The following SEPTIN9 variants were observed in gnomAD, a reference collection of about 807,000 sequenced individuals.
SEPTIN9 encodes the protein septin 9, also known as septin-9.
In SEPTIN9, 13 loss-of-function variants were observed where a neutral mutation model predicts 56.6. The ratio of observed to expected loss-of-function variants is 0.23; its 90% CI spans 0.15 to 0.37. The LOEUF (loss-of-function observed/expected upper bound fraction) is 0.37. Among genes scored for constraint, SEPTIN9 ranks in the 10% least tolerant of loss-of-function variants. The pLI is 1.00. For missense variants in SEPTIN9, 650 were observed against 823.1 expected (o/e 0.79, Z 2.57); for synonymous variants, 332 against 334.1 (o/e 0.99, Z 0.07).
At chr17:77,386,145 T>A (rs935927615) in intron 2 of SEPTIN9, among the ~76,000 whole-genome samples, 3 of 152,314 alleles carry the variant, frequency 2.0e-5, no homozygotes, top group Non-Finnish European at 1.5e-5. Context: ...GCAGCCATGC[T>A]GGGGATAACT....
rs776918748 is a variant in SEPTIN9 at position 77,482,148 on chromosome 17, T to C, written c.726T>C (p.Thr242=). The C allele has an allele frequency of 1.3e-5, 21 of 1,570,354 alleles. No homozygotes were observed. The highest frequency in any genetic ancestry group is 1.8e-5 in the Non-Finnish European group (21 of 1,158,758). Residue 242 remains threonine (T), a synonymous_variant, in exon 4 of 12, where the codon ACT becomes ACC. Transcript: ENST00000427177. ...AEATPRSQEA[T]EAAPSCVGDM... Reference sequence around the variant, plus strand: ...CCTCTGCTGTTCCTTCCCCAGCCACTGAGGCGGCTCCCAGCTGCGTTGGCG... The same window carrying C: ...CCTCTGCTGTTCCTTCCCCAGCCACCGAGGCGGCTCCCAGCTGCGTTGGCG...
intron 3 of SEPTIN9, among the ~76,000 whole-genome samples, chr17:77,419,533 C>CT (rs1327243329): frequency 6.6e-6 from 1 of 152,190 alleles, no homozygotes; most frequent in Non-Finnish European, 1.5e-5. Context: ...CAGCTGACCC[C>CT]TCCCCCTTCC....
chr17:77,394,318 C>G (rs11869627), intron 2 of SEPTIN9, among the ~76,000 whole-genome samples: 6,874 of 152,290 alleles, frequency 0.045, 503 homozygotes, highest in African/African-American at 0.16. Flanking sequence ...GGGGAGTTAT[C>G]TGCCAGGTGA....
intron 2 of SEPTIN9, among the ~76,000 whole-genome samples, chr17:77,343,553 T>C (rs556720224): frequency 6.6e-6 from 1 of 152,346 alleles, no homozygotes; most frequent in South Asian, 2.1e-4. Flanking sequence ...AAGCAAATTA[T>C]TGAACCTGAG....
intron 2 of SEPTIN9, among the ~76,000 whole-genome samples, chr17:77,353,084 G>A (rs2034115321): frequency 6.6e-6 from 1 of 152,196 alleles, no homozygotes; most frequent in Admixed American, 6.5e-5. Flanking sequence ...GGGGGGTCAG[G>A]ACTTGCATAT....
chr17:77,415,932 C>T (rs2036491000), intron 3 of SEPTIN9, among the ~76,000 whole-genome samples: 1 of 152,202 alleles, frequency 6.6e-6, no homozygotes. Flanking sequence ...AGGCACTTGT[C>T]AGGAGCAAAA....
In SEPTIN9 at chr17:77,450,588, C is replaced by A. The variant is rs2037927109; in HGVS notation, c.722-31556C>A. ...GTCTGGCAGATCCCAGCGTCCAGGC[C>A]CAGCCCCTATAGTGTCAGCTCCCTC... On this transcript the variant is annotated intron_variant, in intron 3 of 11. Transcript: ENST00000427177. This position sits in a 1 kb window ranked among gnomAD's most constrained non-coding sequence, Gnocchi z 6.0. 2.0e-6 allele frequency: 2 copies of A among 985,556 alleles called. No homozygotes were observed. The highest frequency in any genetic ancestry group is 3.5e-5 in the African/African-American group (2 of 57,218). The allele number at this position is 985,556 out of a possible 1,614,324, so 61.1% of individuals were successfully genotyped here.
intron 11 of SEPTIN9, chr17:77,497,585 G>A (rs1045538474): frequency 1.1e-5 from 7 of 608,738 alleles, no homozygotes; most frequent in South Asian, 3.8e-5. Context: ...CAACCCCTGC[G>A]AAGTTGGCTG....
chr17:77,473,393 C>A (rs1291305281), intron 3 of SEPTIN9, among the ~76,000 whole-genome samples: 1 of 152,066 alleles, frequency 6.6e-6, no homozygotes, highest in Non-Finnish European at 1.5e-5. Flanking sequence ...TTTTAATTCT[C>A]ATTTTATTTT....
chr17:77,382,360 G>T (rs915912013), intron 2 of SEPTIN9, among the ~76,000 whole-genome samples: 8 of 152,256 alleles, frequency 5.3e-5, no homozygotes, highest in Non-Finnish European at 1.0e-4. Context: ...CTCATAGTGT[G>T]TGTGGAAGAC....
Position 77,451,852 on chromosome 17 carries a change from T to G in SEPTIN9, c.722-30292T>G, listed in dbSNP as rs1382369831. Among the ~76,000 whole-genome samples, 1 of 152,220 alleles carries G rather than the reference T, an allele frequency of 6.6e-6. No individual in the cohort carries two copies. Among genetic ancestry groups the G allele is most frequent in the Non-Finnish European group, 1.5e-5 (1 of 68,040 alleles). ...CTGCTGCCCGGAGCTTCTTGGAACA[T>G]GTTTCCTTTTCGCAAGGGGTTTCCC... On this transcript the variant is annotated intron_variant, in intron 3 of 11. Coordinates refer to ENST00000427177, the MANE Select transcript of SEPTIN9 (RefSeq NM_001113491.2). This position sits in a 1 kb window ranked among gnomAD's most constrained non-coding sequence, Gnocchi z 4.2.
intron 3 of SEPTIN9, chr17:77,454,010 A>G: frequency 1.0e-6 from 1 of 971,242 alleles, no homozygotes; most frequent in Non-Finnish European, 1.2e-6. Flanking sequence ...AGCCTTTCCC[A>G]TACACCCCGG....
At chr17:77,488,533 C>T (rs1298477705) in intron 6 of SEPTIN9, among the ~76,000 whole-genome samples, 194 bp from the exon 7 acceptor site, 1 of 152,212 alleles carries the variant, frequency 6.6e-6, no homozygotes, top group Non-Finnish European at 1.5e-5. Flanking sequence ...CAACTCATCA[C>T]CTGAGGCCAG....
chr17:77,311,931 C>A (rs2032510249), intron 2 of SEPTIN9, among the ~76,000 whole-genome samples: 1 of 152,272 alleles, frequency 6.6e-6, no homozygotes, highest in East Asian at 1.9e-4. Context: ...ACCCACTCTT[C>A]CTCTATTTCT....
chr17:77,383,166 T>C (rs538819528), intron 2 of SEPTIN9, among the ~76,000 whole-genome samples: 62 of 114,896 alleles, frequency 5.4e-4, no homozygotes, highest in African/African-American at 2.2e-3. Context: ...CCCTCCCTCT[T>C]TCTCTCCCTC....
Position 77,456,658 on chromosome 17 carries a change from T to TG in SEPTIN9, c.722-25484dup, listed in dbSNP as rs1228533532. On this transcript the variant is annotated intron_variant, in intron 3 of 11. Transcript: ENST00000427177. The surrounding 1 kb of genome is among the most constrained non-coding windows in gnomAD (Gnocchi z 6.0). ...ACCCACAGCCAGGGACAGGCCTCCA[T>TG]GGCCAGTACCAGGTCTCAGGGACCA... is the stretch of plus-strand genomic sequence containing the variant. Among the ~76,000 whole-genome samples the TG allele has an allele frequency of 1.4e-5, 2 of 146,624 alleles. No homozygotes were observed. The highest frequency in any genetic ancestry group is 1.4e-4 in the Admixed American group (2 of 14,814).
At chr17:77,477,831 A>C (rs1197518749) in intron 3 of SEPTIN9, among the ~76,000 whole-genome samples, 1 of 152,106 alleles carries the variant, frequency 6.6e-6, no homozygotes, top group South Asian at 2.1e-4. Flanking sequence ...TTACTGTCCA[A>C]ATCAGAACCT....
intron 3 of SEPTIN9, among the ~76,000 whole-genome samples, chr17:77,412,988 C>G (rs1297797487): frequency 6.6e-6 from 1 of 151,936 alleles, no homozygotes; most frequent in African/African-American, 2.4e-5. Flanking sequence ...ATGTTGAAAT[C>G]ATGAATCCAT....
intron 3 of SEPTIN9, among the ~76,000 whole-genome samples, chr17:77,455,641 A>G (rs2038165164): frequency 6.6e-6 from 1 of 152,136 alleles, no homozygotes; most frequent in Admixed American, 6.5e-5. Flanking sequence ...CGCCCCCTCC[A>G]AGGGGGCCCC....
Sources: gnomAD v4.1 joint callset for allele counts (sites outside exome capture counted in the v4.1 genomes callset) on GRCh38, gnomAD v4.1.1 for gene constraint, Gnocchi (gnomAD v3.1) non-coding constraint, MANE v1.5 for transcripts, NCBI Gene and HGNC (gene_info 2026-07-23, HGNC 2026-07-21) for gene names.